Variants in TRUB1 observed in about 807,000 individuals in gnomAD.
TRUB1 encodes the protein TruB pseudouridine synthase family member 1.
TRUB1 carries 23 observed loss-of-function variants against 33.9 expected under a neutral mutation model. The observed-to-expected ratio is 0.68, with a 90% CI of 0.49 to 0.96. TRUB1 has a LOEUF of 0.96. Among genes scored for constraint, TRUB1 ranks in the 40% least tolerant of loss-of-function variants. The pLI, the probability that TRUB1 is intolerant of heterozygous loss-of-function variation, is 0.00. For synonymous variants in TRUB1, 163 were observed against 165.4 expected (o/e 0.99, Z 0.11); for missense variants, 378 against 422.2 (o/e 0.90, Z 0.92).
chr10:114,953,912 C>T (rs776555404), intron 3 of TRUB1, among the ~76,000 whole-genome samples: 7 of 152,026 alleles, frequency 4.6e-5, no homozygotes, highest in African/African-American at 1.2e-4. Flanking sequence ...ATGCAGGATC[C>T]GCCCTCATAA....
intron 4 of TRUB1, among the ~76,000 whole-genome samples, chr10:114,967,758 T>G (rs1044907888): frequency 3.9e-5 from 6 of 152,236 alleles, no homozygotes; most frequent in Non-Finnish European, 7.3e-5. Context: ...GTCTTTATAC[T>G]TATGTCATAA....
In TRUB1 at chr10:114,975,360, A is replaced by T. The variant is rs1254874919; in HGVS notation, c.1031A>T (p.Asp344Val). 2 of 1,588,390 alleles carry T rather than the reference A, an allele frequency of 1.3e-6. No homozygotes were observed. Among genetic ancestry groups the T allele is most frequent in the Admixed American group, 3.5e-5 (2 of 56,512 alleles). Residue 344 changes from aspartate to valine, a missense_variant, in exon 8 of 8, where the codon GAT becomes GTT. Physicochemically the swap from Asp to Val is radical, Grantham distance 152 (BLOSUM62 -3). Coordinates refer to ENST00000298746, the MANE Select transcript of TRUB1 (RefSeq NM_139169.5). ...ITLNEPKRED[D>V]VIKTC is the part of the protein sequence containing the mutation. ...CTAAATGAGCCAAAGAGAGAAGATG[A>T]TGTAATTAAGACGTGTTGAGATTGG...
At chr10:114,965,117 G>A (rs2084301469) in intron 4 of TRUB1, among the ~76,000 whole-genome samples, 2 of 151,930 alleles carry the variant, frequency 1.3e-5, no homozygotes, top group Non-Finnish European at 2.9e-5. Context: ...TTTTAGTAGA[G>A]ATGAGGTTTC....
intron 2 of TRUB1, among the ~76,000 whole-genome samples, chr10:114,947,237 C>A (rs550937725): frequency 6.6e-6 from 1 of 152,180 alleles, no homozygotes; most frequent in South Asian, 2.1e-4. Flanking sequence ...CTAGCACCTC[C>A]AGAGAAGAAC....
intron 2 of TRUB1, among the ~76,000 whole-genome samples, chr10:114,943,668 G>C (rs1245074562): frequency 1.3e-5 from 2 of 152,220 alleles, no homozygotes; most frequent in Non-Finnish European, 2.9e-5. Flanking sequence ...TCACAGGAGG[G>C]AGAGAGGATA....
At chr10:114,965,695 T>C (rs918340176) in intron 4 of TRUB1, among the ~76,000 whole-genome samples, 2 of 152,200 alleles carry the variant, frequency 1.3e-5, no homozygotes, top group African/African-American at 4.8e-5. Flanking sequence ...TGAGTTTTCT[T>C]TGTTAGGAAG....
chr10:114,952,413 C>T (rs1216425194), intron 3 of TRUB1, among the ~76,000 whole-genome samples: 4 of 152,110 alleles, frequency 2.6e-5, no homozygotes, highest in Non-Finnish European at 4.4e-5. Context: ...TGCACGCCAG[C>T]GTGGGTGACA....
At chr10:114,947,544 TAGTC>T (rs1226629696) in intron 2 of TRUB1, among the ~76,000 whole-genome samples, 2 of 152,232 alleles carry the variant, frequency 1.3e-5, no homozygotes, top group Admixed American at 1.3e-4. Flanking sequence ...CTTTCATCAA[TAGTC>T]AGTTAACATT....
intron 3 of TRUB1, 69 bp downstream of exon 3, chr10:114,951,218 C>A: frequency 7.9e-7 from 1 of 1,266,122 alleles, no homozygotes; most frequent in Non-Finnish European, 1.1e-6. Context: ...GGGTTTTTAT[C>A]AAATAAAAAA....
rs1161621038 is a variant in TRUB1, at chr10:114,976,650, C to T, written c.*1271C>T. ...TTTTCCTGCTTTGTAGTCTCTAACT[C>T]TGAAATTTAAAATATGTAAACTAAA... On this transcript the variant is annotated 3_prime_UTR_variant, in exon 8 of 8. Coordinates refer to ENST00000298746, the MANE Select transcript of TRUB1 (RefSeq NM_139169.5). 1.3e-5 allele frequency: 2 copies of T among 152,086 alleles called. No homozygotes were observed. The highest frequency in any genetic ancestry group is 2.4e-5 in the African/African-American group (1 of 41,422). The allele number at this position is 152,086 out of a possible 1,614,324, so 9.4% of individuals were successfully genotyped here.
At position 114,977,608 on chromosome 10, in the gene TRUB1, T is replaced by G. The variant is rs2084367470; in HGVS notation, c.*2229T>G. 1 of 152,064 alleles carries G rather than the reference T, an allele frequency of 6.6e-6. No homozygotes were observed. Among genetic ancestry groups the G allele is most frequent in the Non-Finnish European group, 1.5e-5 (1 of 67,934 alleles). 9.4% of individuals were successfully genotyped at this position (152,064 alleles called of 1,614,324 possible). A position where few individuals can be genotyped will look rare whatever the true frequency, so the allele number is the denominator to read the frequency against. ...AGGAGAGAAATCAAAGTTTTTCTGATTTGCTTTTATGTGATTTATCTGTAT... is the reference window on the plus strand; with the variant it reads ...AGGAGAGAAATCAAAGTTTTTCTGAGTTGCTTTTATGTGATTTATCTGTAT... On this transcript the variant is annotated 3_prime_UTR_variant, in exon 8 of 8. Coordinates refer to ENST00000298746, the MANE Select transcript of TRUB1 (RefSeq NM_139169.5).
At position 114,942,699 on chromosome 10, in the gene TRUB1, T is replaced by C. The variant is rs759004661; in HGVS notation, c.341T>C (p.Ile114Thr). Residue 114 changes from isoleucine to threonine, a missense_variant, in exon 2 of 8, where the codon ATT (isoleucine) becomes ACT (threonine). Ile to Thr is a moderately conservative substitution (Grantham distance 89, BLOSUM62 -1). Coordinates refer to ENST00000298746, the MANE Select transcript of TRUB1 (RefSeq NM_139169.5). ...AAGAGGAAAAAGCAGACTTTGAAAA[T>C]TGGGCATGGAGGGACTCTAGACAGC... ...WTKRKKQTLKIGHGGTLDSAA... is the reference protein window; with the variant it reads ...WTKRKKQTLKTGHGGTLDSAA... The C allele has an allele frequency of 9.9e-6, 16 of 1,614,054 alleles. No homozygotes were observed. Among genetic ancestry groups the C allele is most frequent in the Non-Finnish European group, 1.4e-5 (16 of 1,179,982 alleles).
intron 2 of TRUB1, among the ~76,000 whole-genome samples, chr10:114,946,405 G>A (rs918708715): frequency 2.0e-5 from 3 of 152,010 alleles, no homozygotes; most frequent in African/African-American, 7.3e-5. Context: ...GCGGTGGCGT[G>A]ATCTCAGCTC....
intron 4 of TRUB1, among the ~76,000 whole-genome samples, chr10:114,967,558 G>T (rs988483861): frequency 8.5e-5 from 13 of 152,082 alleles, no homozygotes; most frequent in African/African-American, 2.9e-4. Flanking sequence ...TTATGAAAAT[G>T]ATTTTAAAAA....
In TRUB1 at chr10:114,942,733, A is replaced by T; in HGVS notation, c.375A>T (p.Arg125=). 6.2e-7 allele frequency: 1 copy of T among 1,612,564 alleles called. No homozygotes were observed. The highest frequency in any genetic ancestry group is 8.5e-7 in the Non-Finnish European group (1 of 1,178,668). The change falls in exon 2 of 8, where the codon CGA becomes CGT. Residue 125 remains arginine (R), a synonymous_variant. Coordinates refer to ENST00000298746, the MANE Select transcript of TRUB1 (RefSeq NM_139169.5). ...GHGGTLDSAA[R]GVLVVGIGSG... ...GAGGGACTCTAGACAGCGCAGCCCG[A>T]GGAGTTCTGGGTAAGAGATATGAAA...
rs2084339894 is a variant in TRUB1, at chr10:114,972,203, C to G, written c.665C>G (p.Ala222Gly). 2 of 1,613,714 alleles carry G rather than the reference C, an allele frequency of 1.2e-6. No individual in the cohort carries two copies. The highest frequency in any genetic ancestry group is 1.3e-5 in the African/African-American group (1 of 75,010). The change falls in exon 6 of 8, where the codon GCA becomes GGA. Residue 222 changes from alanine to glycine, a missense_variant. Coordinates refer to ENST00000298746, the MANE Select transcript of TRUB1 (RefSeq NM_139169.5). ...ATGAAGAGAGGTGAAGTCGTAGAAG[C>G]AAAACCTGCCAGGCCAGTGACTGTA... ...TLMKRGEVVE[A>G]KPARPVTVYS...
intron 3 of TRUB1, among the ~76,000 whole-genome samples, chr10:114,955,161 T>C (rs2084256279): frequency 6.6e-6 from 1 of 152,214 alleles, no homozygotes; most frequent in African/African-American, 2.4e-5. Flanking sequence ...GAGGTTAGGC[T>C]GATGTGTTCC....
chr10:114,954,491 A>G (rs1416871206), intron 3 of TRUB1, among the ~76,000 whole-genome samples: 4 of 152,210 alleles, frequency 2.6e-5, no homozygotes, highest in Non-Finnish European at 4.4e-5. Context: ...TGTGAAGACT[A>G]GACACTAATC....
Position 114,977,421 on chromosome 10 carries a change from A to T in TRUB1, c.*2042A>T, listed in dbSNP as rs2084366048. ...TTGCTGAATACTTAAGTAGTTTTAA[A>T]TTTTATTATGATAAATTCCTGGGAG... On this transcript the variant is annotated 3_prime_UTR_variant, in exon 8 of 8. Coordinates refer to ENST00000298746, the MANE Select transcript of TRUB1 (RefSeq NM_139169.5). The T allele has an allele frequency of 6.6e-6, 1 of 152,002 alleles. No homozygotes were observed. The highest frequency in any genetic ancestry group is 1.5e-5 in the Non-Finnish European group (1 of 67,908). The allele number at this position is 152,002 out of a possible 1,614,324, so 9.4% of individuals were successfully genotyped here.
Sources: gnomAD v4.1 joint callset for allele counts (sites outside exome capture counted in the v4.1 genomes callset) on GRCh38, gnomAD v4.1.1 for gene constraint, MANE v1.5 for transcripts, NCBI Gene and HGNC (gene_info 2026-07-23, HGNC 2026-07-21) for gene names.